The following STOX2 variants were observed in gnomAD, a reference collection of about 807,000 sequenced individuals.
STOX2 encodes storkhead-box protein 2.
STOX2 carries 28 observed loss-of-function variants against 60.9 expected under a neutral mutation model. The observed-to-expected ratio is 0.46, with a 90% CI of 0.34 to 0.63. STOX2 has a LOEUF of 0.63. Among genes scored for constraint, STOX2 ranks in the 30% least tolerant of loss-of-function variants. STOX2 has a pLI of 0.01. For synonymous variants in STOX2, 472 were observed against 463.9 expected (o/e 1.02, Z -0.22); for missense variants, 1,024 against 1,187.7 (o/e 0.86, Z 2.03).
intron 1 of STOX2, among the ~76,000 whole-genome samples, chr4:183,930,021 G>A (rs909406794): frequency 6.6e-6 from 1 of 151,884 alleles, no homozygotes; most frequent in Non-Finnish European, 1.5e-5. Flanking sequence ...CCCTCACCAC[G>A]CCTGGCTAAT....
chr4:183,823,559 T>C (rs1391882745), intron 1 of STOX2, among the ~76,000 whole-genome samples: 1 of 152,336 alleles, frequency 6.6e-6, no homozygotes, highest in East Asian at 1.9e-4. Flanking sequence ...ACCTGGAAGA[T>C]GAGGGAATGT....
chr4:183,834,672 A>G (rs1298203380), intron 1 of STOX2, among the ~76,000 whole-genome samples: 5 of 152,242 alleles, frequency 3.3e-5, no homozygotes, highest in East Asian at 1.9e-4. Flanking sequence ...TGGTCTTACA[A>G]TGATAGTCAT....
chr4:183,841,179 G>GTATTTATTTATTTATT (rs1553967298), intron 1 of STOX2, among the ~76,000 whole-genome samples: 2 of 147,920 alleles, frequency 1.4e-5, no homozygotes, highest in African/African-American at 5.0e-5. Context: ...TTTCATCGTA[G>GTATTTATTTATTTATT]TATTTATTTA....
chr4:183,997,518 T>C (rs1431474533), intron 1 of STOX2, among the ~76,000 whole-genome samples: 1 of 152,150 alleles, frequency 6.6e-6, no homozygotes, highest in African/African-American at 2.4e-5. Flanking sequence ...TTTTTTGTTT[T>C]CCTAAGAGGA....
At chr4:183,857,920 A>G (rs1242220216) in intron 1 of STOX2, among the ~76,000 whole-genome samples, 1 of 152,010 alleles carries the variant, frequency 6.6e-6, no homozygotes, top group East Asian at 1.9e-4. Flanking sequence ...TTCTCTCCCT[A>G]CAGGAGTCAG....
At chr4:183,871,547 TGC>T (rs1740693226) in intron 1 of STOX2, among the ~76,000 whole-genome samples, 1 of 152,172 alleles carries the variant, frequency 6.6e-6, no homozygotes, top group Non-Finnish European at 1.5e-5. Flanking sequence ...AGAAAAATAG[TGC>T]CATTAGGAGC....
chr4:183,906,800 A>AC lies in STOX2; in HGVS notation c.13dup (p.Arg5ProfsTer11), dbSNP rs781027004. ...GGTCGCCCTCCCCACCATGAAGAAGACCCGGAGCACAACCTTGCGGCGAGC... is the reference window on the plus strand; with the variant it reads ...GGTCGCCCTCCCCACCATGAAGAAGACCCCGGAGCACAACCTTGCGGCGAGC... On this transcript the variant is annotated frameshift_variant, in exon 1 of 4. Transcript: ENST00000308497. LOFTEE classifies it high-confidence loss of function. 6.5e-7 allele frequency: 1 copy of AC among 1,543,904 alleles called. No homozygotes were observed. Among genetic ancestry groups the AC allele is most frequent in the South Asian group, 1.2e-5 (1 of 83,246 alleles).
At chr4:183,942,464 A>AG (rs1038466773) in intron 1 of STOX2, among the ~76,000 whole-genome samples, 1 of 151,608 alleles carries the variant, frequency 6.6e-6, no homozygotes, top group African/African-American at 2.4e-5. Context: ...TCTGGTACTG[A>AG]GGGATCACTA....
chr4:183,823,014 C>T (rs769777235), intron 1 of STOX2, among the ~76,000 whole-genome samples: 4 of 152,192 alleles, frequency 2.6e-5, no homozygotes, highest in African/African-American at 4.8e-5. Context: ...TGAGAACCTT[C>T]GGGTGCTCTT....
intron 1 of STOX2, chr4:183,988,253 G>A (rs1732936951): frequency 6.6e-6 from 1 of 151,890 alleles, no homozygotes; most frequent in Non-Finnish European, 1.5e-5. Flanking sequence ...TGGCTGATCC[G>A]TCCCTGTGAC....
chr4:183,959,536 G>C (rs149168825), intron 1 of STOX2, among the ~76,000 whole-genome samples: 2 of 152,122 alleles, frequency 1.3e-5, no homozygotes, highest in Non-Finnish European at 2.9e-5. Flanking sequence ...TCAGGTTTGC[G>C]GGCATGCTTT....
At chr4:183,931,096 G>C (rs77575642) in intron 1 of STOX2, among the ~76,000 whole-genome samples, 5,337 of 152,116 alleles carry the variant, frequency 0.035, 323 homozygotes, top group African/African-American at 0.12. Context: ...TTTCTCAAAA[G>C]ATCTTCATTT....
chr4:183,862,436 G>C (rs1289673219), intron 1 of STOX2, among the ~76,000 whole-genome samples: 3 of 152,200 alleles, frequency 2.0e-5, no homozygotes, highest in African/African-American at 4.8e-5. Flanking sequence ...GTGATTATAG[G>C]CATGAGCTAC....
intron 1 of STOX2, among the ~76,000 whole-genome samples, chr4:183,892,946 A>T (rs759366242): frequency 1.3e-5 from 2 of 152,160 alleles, no homozygotes; most frequent in Non-Finnish European, 2.9e-5. Context: ...TTAAAAATGT[A>T]TCATGGCTCT....
At chr4:183,966,844 A>G (rs1457358888) in intron 1 of STOX2, among the ~76,000 whole-genome samples, 3 of 152,352 alleles carry the variant, frequency 2.0e-5, no homozygotes, top group African/African-American at 4.8e-5. Context: ...CTTTTCCTTG[A>G]TAGAACTCGA....
intron 1 of STOX2, among the ~76,000 whole-genome samples, chr4:183,951,811 T>A (rs1055827429): frequency 6.6e-6 from 1 of 151,894 alleles, no homozygotes; most frequent in African/African-American, 2.4e-5. Flanking sequence ...GGCGTGGTGG[T>A]GCATGCCTGT....
intron 1 of STOX2, among the ~76,000 whole-genome samples, chr4:183,855,259 C>T (rs575498955): frequency 2.6e-5 from 4 of 152,310 alleles, no homozygotes; most frequent in African/African-American, 9.6e-5. Flanking sequence ...GTATTTGTGT[C>T]TCTTCTCCTG....
intron 1 of STOX2, among the ~76,000 whole-genome samples, chr4:183,986,360 G>C (rs1156479195): frequency 6.6e-6 from 1 of 152,206 alleles, no homozygotes. Context: ...GTGACAGATA[G>C]TCCAGGACAG....
chr4:183,908,319 A>G (rs1741676136), intron 1 of STOX2, among the ~76,000 whole-genome samples: 1 of 152,252 alleles, frequency 6.6e-6, no homozygotes, highest in South Asian at 2.1e-4. Flanking sequence ...GACTTGTGGC[A>G]GTAAATTTTG....
Sources: allele counts gnomAD v4.1 joint callset (sites outside exome capture counted in the v4.1 genomes callset), GRCh38; gene constraint gnomAD v4.1.1; transcripts MANE v1.5; gene names NCBI Gene and HGNC (gene_info 2026-07-23, HGNC 2026-07-21).